Variants in GABRG3 observed in about 807,000 individuals in gnomAD.
GABRG3 encodes gamma-aminobutyric acid type A receptor subunit gamma3.
A neutral mutation model predicts 48.8 loss-of-function variants in GABRG3; 25 were observed. That is an observed-to-expected ratio of 0.51 (90% CI 0.37 to 0.72). GABRG3 has a LOEUF of 0.72. Among genes scored for constraint, GABRG3 ranks in the 30% least tolerant of loss-of-function variants. GABRG3 has a pLI of 0.00. For synonymous variants in GABRG3, 227 were observed against 217.6 expected, an observed-to-expected ratio of 1.04 and a Z score of -0.38; for missense variants, 394 against 577.9, an observed-to-expected ratio of 0.68 and a Z score of 3.26.
At chr15:27,467,666 A>G (rs1280905900) in intron 5 of GABRG3, among the ~76,000 whole-genome samples, 1 of 152,222 alleles carries the variant, frequency 6.6e-6, no homozygotes, top group African/African-American at 2.4e-5. Context: ...TTTTATGGAT[A>G]AAAGAGTGCA....
At chr15:27,449,019 C>A (rs1042379245) in intron 5 of GABRG3, among the ~76,000 whole-genome samples, 4 of 152,270 alleles carry the variant, frequency 2.6e-5, no homozygotes, top group African/African-American at 9.6e-5. Flanking sequence ...GTATTGGAAT[C>A]TCCAAGAGGG....
chr15:27,256,497 G>C (rs901890252), intron 3 of GABRG3, among the ~76,000 whole-genome samples: 1 of 151,502 alleles, frequency 6.6e-6, no homozygotes, highest in South Asian at 2.1e-4. Flanking sequence ...TAAGGGTAGG[G>C]GGGGCGGGGA....
At chr15:27,099,712 TA>T (rs36017290) in intron 3 of GABRG3, among the ~76,000 whole-genome samples, 76,649 of 148,480 alleles carry the variant, frequency 0.52, 20,237 homozygotes, top group African/African-American at 0.67. Flanking sequence ...ACATTATGAA[TA>T]AAAAAAAAAT....
intron 3 of GABRG3, among the ~76,000 whole-genome samples, chr15:27,054,599 G>A (rs1896510006): frequency 6.6e-6 from 1 of 152,188 alleles, no homozygotes; most frequent in Non-Finnish European, 1.5e-5. Flanking sequence ...CGTTTATTTT[G>A]TGGTGCCGCC....
chr15:27,090,001 A>G (rs560216820), intron 3 of GABRG3, among the ~76,000 whole-genome samples: 25 of 152,330 alleles, frequency 1.6e-4, no homozygotes, highest in African/African-American at 5.5e-4. Context: ...TAGAACTGCT[A>G]TGAACATCGG....
intron 7 of GABRG3, among the ~76,000 whole-genome samples, chr15:27,526,380 A>G (rs1404097676): frequency 1.3e-5 from 2 of 152,142 alleles, no homozygotes; most frequent in African/African-American, 4.8e-5. Flanking sequence ...TAGTACTGCG[A>G]TGCAGATATT....
chr15:27,055,499 A>G (rs929804121), intron 3 of GABRG3, among the ~76,000 whole-genome samples: 1 of 152,180 alleles, frequency 6.6e-6, no homozygotes, highest in Admixed American at 6.5e-5. Flanking sequence ...GCACTGACCT[A>G]ATGCGACAAA....
intron 3 of GABRG3, among the ~76,000 whole-genome samples, chr15:27,234,332 A>C (rs1889891369): frequency 6.6e-6 from 1 of 152,160 alleles, no homozygotes; most frequent in Middle Eastern, 3.2e-3. Context: ...GGCCCTTCTC[A>C]GGAGCCCCAT....
chr15:27,307,251 C>A (rs1321568613), intron 3 of GABRG3, among the ~76,000 whole-genome samples: 3 of 132,698 alleles, frequency 2.3e-5, no homozygotes, highest in Admixed American at 8.0e-5. Flanking sequence ...TATATATAAC[C>A]ATGTTCATAT....
chr15:27,289,300 C>T (rs1192966608), intron 3 of GABRG3, among the ~76,000 whole-genome samples: 1 of 151,812 alleles, frequency 6.6e-6, no homozygotes. Flanking sequence ...TCCAGTTACA[C>T]AAATGTTTAA....
At chr15:27,104,339 G>A (rs1485509724) in intron 3 of GABRG3, among the ~76,000 whole-genome samples, 1 of 152,234 alleles carries the variant, frequency 6.6e-6, no homozygotes, top group Non-Finnish European at 1.5e-5. Flanking sequence ...GCCTTCCAGA[G>A]GCGTGGCATG....
chr15:27,426,332 G>A (rs1382827983), intron 5 of GABRG3, among the ~76,000 whole-genome samples: 2 of 152,082 alleles, frequency 1.3e-5, no homozygotes. Context: ...ACACAAAAGG[G>A]CATGAAGGAA....
At chr15:27,262,055 A>G (rs936267264) in intron 3 of GABRG3, among the ~76,000 whole-genome samples, 11 of 152,126 alleles carry the variant, frequency 7.2e-5, no homozygotes, top group Non-Finnish European at 1.6e-4. Context: ...GCTCTCTCAA[A>G]TTCTTTCCCT....
intron 5 of GABRG3, among the ~76,000 whole-genome samples, chr15:27,342,278 C>A (rs543558566): frequency 6.6e-6 from 1 of 152,268 alleles, no homozygotes; most frequent in East Asian, 1.9e-4. Context: ...ATGCAAAAAC[C>A]GAGTCTTAGG....
chr15:27,380,817 G>C (rs533207807), intron 5 of GABRG3, among the ~76,000 whole-genome samples: 288 of 147,358 alleles, frequency 2.0e-3, no homozygotes, highest in Admixed American at 4.9e-3. Flanking sequence ...CCAGGCTGGA[G>C]TGCAGTGGCG....
chr15:27,452,399 G>A (rs1474842855), intron 5 of GABRG3, among the ~76,000 whole-genome samples: 2 of 152,120 alleles, frequency 1.3e-5, no homozygotes, highest in Non-Finnish European at 2.9e-5. Context: ...AAACAACATG[G>A]GGATTGTGGG....
chr15:27,147,356 A>G (rs1898227933), intron 3 of GABRG3, among the ~76,000 whole-genome samples: 1 of 152,080 alleles, frequency 6.6e-6, no homozygotes, highest in South Asian at 2.1e-4. Flanking sequence ...TAATGCTAAA[A>G]TAGTGGTTGG....
chr15:27,262,708 G>T (rs1890803023), intron 3 of GABRG3, among the ~76,000 whole-genome samples: 1 of 152,180 alleles, frequency 6.6e-6, no homozygotes, highest in Non-Finnish European at 1.5e-5. Context: ...TTGAATTAAG[G>T]TTCTTTTTAA....
At chr15:27,031,911 A>G (rs949270460) in intron 3 of GABRG3, among the ~76,000 whole-genome samples, 5 of 152,112 alleles carry the variant, frequency 3.3e-5, no homozygotes, top group African/African-American at 7.2e-5. Flanking sequence ...TTTTCTTTGC[A>G]TTTCTCCTGC....
Sources: gnomAD v4.1 joint callset for allele counts (sites outside exome capture counted in the v4.1 genomes callset) on GRCh38, gnomAD v4.1.1 for gene constraint, MANE v1.5 for transcripts, NCBI Gene and HGNC (gene_info 2026-07-23, HGNC 2026-07-21) for gene names.